Variants in DOCK4 observed in about 807,000 individuals in gnomAD.
DOCK4 encodes dedicator of cytokinesis 4.
In DOCK4, 97 loss-of-function variants were observed where a neutral mutation model predicts 268.1. The observed-to-expected ratio is 0.36, with a 90% CI of 0.31 to 0.43. DOCK4 has a LOEUF of 0.43. Among genes scored for constraint, DOCK4 ranks in the 20% least tolerant of loss-of-function variants. DOCK4 has a pLI of 1.00. For synonymous variants in DOCK4, 954 were observed against 887.2 expected (o/e 1.08, Z -1.34); for missense variants, 2,145 against 2,455.7 (o/e 0.87, Z 2.67).
chr7:111,843,860 C>T (rs1803883797), intron 25 of DOCK4, among the ~76,000 whole-genome samples: 1 of 152,076 alleles, frequency 6.6e-6, no homozygotes, highest in Admixed American at 6.6e-5. Flanking sequence ...ATCAGCATTT[C>T]AAAATCATAT....
intron 1 of DOCK4, among the ~76,000 whole-genome samples, chr7:112,026,063 G>C (rs1000541971): frequency 6.6e-6 from 1 of 152,178 alleles, no homozygotes; most frequent in African/African-American, 2.4e-5. Flanking sequence ...CTTAACACTA[G>C]TATATTATCA....
chr7:111,767,226 T>TA, intron 37 of DOCK4, 108 bp from the exon 38 acceptor site: 50 of 649,656 alleles, frequency 7.7e-5, no homozygotes, highest in Non-Finnish European at 1.1e-4. Flanking sequence ...TACTCCTTAA[T>TA]CTTTTTTTTT....
chr7:112,002,241 T>C (rs1800485263), intron 2 of DOCK4, among the ~76,000 whole-genome samples: 1 of 152,170 alleles, frequency 6.6e-6, no homozygotes, highest in Admixed American at 6.5e-5. Context: ...TCAGGGTTTA[T>C]CAGTTGCCAT....
intron 1 of DOCK4, among the ~76,000 whole-genome samples, chr7:112,124,385 A>C (rs1200861537): frequency 6.6e-6 from 1 of 152,238 alleles, no homozygotes; most frequent in East Asian, 1.9e-4. Flanking sequence ...ATAAAGCATA[A>C]GTGAGAAATG....
intron 22 of DOCK4, among the ~76,000 whole-genome samples, chr7:111,867,038 A>T (rs958937602): frequency 2.0e-5 from 3 of 152,206 alleles, no homozygotes; most frequent in African/African-American, 7.2e-5. Context: ...CATTTAAAAG[A>T]GCCTGAGTTA....
intron 1 of DOCK4, among the ~76,000 whole-genome samples, chr7:112,113,574 A>G (rs914135954): frequency 1.3e-5 from 2 of 151,820 alleles, no homozygotes; most frequent in African/African-American, 2.4e-5. Context: ...ATTAAAAAAT[A>G]TGTATGTATA....
chr7:112,108,963 G>GT (rs113811821), intron 1 of DOCK4, among the ~76,000 whole-genome samples: 3,513 of 148,878 alleles, frequency 0.024, 151 homozygotes, highest in African/African-American at 0.08. Context: ...ATCTGGCCCA[G>GT]TTTTTTTTTT....
intron 1 of DOCK4, among the ~76,000 whole-genome samples, chr7:112,087,937 G>A (rs1267774310): frequency 1.3e-5 from 2 of 152,106 alleles, no homozygotes; most frequent in African/African-American, 4.8e-5. Flanking sequence ...AACACAAGGT[G>A]TTAAAAAATA....
At chr7:112,193,253 T>C (rs551332810) in intron 1 of DOCK4, among the ~76,000 whole-genome samples, 1 of 152,222 alleles carries the variant, frequency 6.6e-6, no homozygotes, top group African/African-American at 2.4e-5. Context: ...AAAATGCCAT[T>C]ATTCAAATAA....
chr7:111,900,497 C>T lies in DOCK4; in HGVS notation c.1357G>A (p.Glu453Lys), dbSNP rs772677368. The T allele has an allele frequency of 3.7e-6, 6 of 1,612,726 alleles. No homozygotes were observed. Among genetic ancestry groups the T allele is most frequent in the Non-Finnish European group, 5.1e-6 (6 of 1,179,412 alleles). Residue 453 changes from glutamate (E) to lysine (K), a missense_variant, in exon 15 of 53, where the codon GAG becomes AAG. Around this residue, in one of 2 missense-constraint regions of DOCK4, gnomAD observed 1,598 missense variants for 1,986.7 expected, o/e 0.80. Coordinates refer to ENST00000428084, the MANE Select transcript of DOCK4 (RefSeq NM_001363540.2). ...TGGTAAAGCACAAAGGAGTGGTACT[C>T]ACTGGCTGGTGGCTCCCCAGAGCCG... ...SFGSGEPPAS[E>K]YHSFVLYHNN...
chr7:112,055,996 A>G (rs1196940142), intron 1 of DOCK4, among the ~76,000 whole-genome samples: 1 of 152,134 alleles, frequency 6.6e-6, no homozygotes, highest in Non-Finnish European at 1.5e-5. Context: ...ACAAAGGGCT[A>G]GCAAAGGAGA....
intron 1 of DOCK4, among the ~76,000 whole-genome samples, chr7:112,099,611 T>C (rs1437172884): frequency 6.6e-6 from 1 of 152,208 alleles, no homozygotes; most frequent in African/African-American, 2.4e-5. Context: ...AATTGATAAG[T>C]TGATTGACTG....
intron 1 of DOCK4, among the ~76,000 whole-genome samples, chr7:112,125,348 CAG>C (rs1218968319): frequency 3.3e-5 from 5 of 152,152 alleles, no homozygotes; most frequent in South Asian, 2.1e-4. Flanking sequence ...CAAAATTATT[CAG>C]AGTCTTTCTT....
chr7:111,997,927 A>T (rs1325283300), intron 4 of DOCK4, among the ~76,000 whole-genome samples: 2 of 152,242 alleles, frequency 1.3e-5, no homozygotes, highest in East Asian at 3.8e-4. Flanking sequence ...TTAATGTATT[A>T]GAAATACTAG....
intron 1 of DOCK4, among the ~76,000 whole-genome samples, chr7:112,164,092 G>A (rs1817376311): frequency 6.6e-6 from 1 of 151,958 alleles, no homozygotes; most frequent in Non-Finnish European, 1.5e-5. Context: ...AGACCAGCCT[G>A]GACAACATAG....
chr7:111,903,563 ACTTT>A (rs1791322863), intron 13 of DOCK4, among the ~76,000 whole-genome samples: 1 of 152,158 alleles, frequency 6.6e-6, no homozygotes. Flanking sequence ...TGTTTATTAG[ACTTT>A]CTATTTCACT....
At chr7:111,833,763 A>G (rs1407929320) in intron 26 of DOCK4, among the ~76,000 whole-genome samples, 1 of 152,152 alleles carries the variant, frequency 6.6e-6, no homozygotes, top group Non-Finnish European at 1.5e-5. Context: ...TATCTATATT[A>G]AAAAATCAAC....
intron 32 of DOCK4, among the ~76,000 whole-genome samples, chr7:111,785,746 T>G (rs556284470): frequency 6.6e-6 from 1 of 152,168 alleles, no homozygotes; most frequent in Non-Finnish European, 1.5e-5. Context: ...GTGGGTATTT[T>G]CATTTACTCT....
chr7:111,919,996 A>G (rs1355144621), intron 12 of DOCK4, among the ~76,000 whole-genome samples: 1 of 152,232 alleles, frequency 6.6e-6, no homozygotes, highest in Non-Finnish European at 1.5e-5. Flanking sequence ...AAGAAACAAC[A>G]TAATGAAGAC....
Sources: allele counts gnomAD v4.1 joint callset (sites outside exome capture counted in the v4.1 genomes callset), GRCh38; gene constraint gnomAD v4.1.1; regional missense constraint gnomAD v4.1.1; transcripts MANE v1.5; gene names NCBI Gene and HGNC (gene_info 2026-07-23, HGNC 2026-07-21).